Variants in ESRRG observed in about 807,000 individuals in gnomAD.
ESRRG encodes estrogen-related receptor gamma.
Under a neutral mutation model 44.0 loss-of-function variants are expected in ESRRG, and 13 were observed. The observed-to-expected ratio is 0.30, with a 90% confidence interval of 0.19 to 0.47. The LOEUF (loss-of-function observed/expected upper bound fraction) is 0.47. ESRRG is among the 20% of genes least tolerant of loss of function. The pLI, the probability that ESRRG is intolerant of heterozygous loss-of-function variation, is 1.00. For synonymous variants in ESRRG, 215 were observed against 214.6 expected (o/e 1.00, Z -0.02); for missense variants, 395 against 580.6 (o/e 0.68, Z 3.29).
chr1:216,663,180 C>A (rs1428976078), intron 2 of ESRRG, among the ~76,000 whole-genome samples: 2 of 152,114 alleles, frequency 1.3e-5, no homozygotes, highest in African/African-American at 2.4e-5. Flanking sequence ...TAGGCGAAAG[C>A]TCTGGGGCAC....
intron 1 of ESRRG, among the ~76,000 whole-genome samples, chr1:217,013,043 CTG>C (rs2078856570): frequency 1.3e-5 from 2 of 152,164 alleles, no homozygotes; most frequent in African/African-American, 2.4e-5. Flanking sequence ...CATGTTGTCT[CTG>C]TGTCCAAATT....
intron 1 of ESRRG, among the ~76,000 whole-genome samples, chr1:217,106,064 A>G (rs1180666885): frequency 6.6e-6 from 1 of 152,206 alleles, no homozygotes; most frequent in African/African-American, 2.4e-5. Flanking sequence ...TGGCAGCCAC[A>G]ATGATACACT....
chr1:217,110,465 G>C (rs1173477632), intron 1 of ESRRG, among the ~76,000 whole-genome samples: 1 of 152,124 alleles, frequency 6.6e-6, no homozygotes. Flanking sequence ...AAATACCTGA[G>C]ACTGGATAGT....
chr1:216,584,222 C>T (rs913586078), intron 3 of ESRRG, among the ~76,000 whole-genome samples: 1 of 151,514 alleles, frequency 6.6e-6, no homozygotes, highest in Non-Finnish European at 1.5e-5. Flanking sequence ...CCAAGGTGCT[C>T]TCTGTTTTTT....
intron 1 of ESRRG, among the ~76,000 whole-genome samples, chr1:217,061,922 A>G (rs1160283305): frequency 1.3e-5 from 2 of 152,178 alleles, no homozygotes; most frequent in Non-Finnish European, 2.9e-5. Flanking sequence ...ATTGTCCCAG[A>G]TATAACATCT....
chr1:216,785,749 T>C (rs2094106559), intron 2 of ESRRG, among the ~76,000 whole-genome samples: 2 of 152,164 alleles, frequency 1.3e-5, no homozygotes, highest in South Asian at 2.1e-4. Context: ...TTAACCTAAG[T>C]GACAGAAGTG....
chr1:217,059,955 T>C (rs1044865843), intron 1 of ESRRG, among the ~76,000 whole-genome samples: 9 of 152,200 alleles, frequency 5.9e-5, no homozygotes, highest in African/African-American at 2.2e-4. Flanking sequence ...GGGTGACAAA[T>C]GTATTTTTTA....
intron 3 of ESRRG, among the ~76,000 whole-genome samples, chr1:216,614,116 C>T (rs766373888): frequency 7.2e-5 from 11 of 152,154 alleles, no homozygotes; most frequent in Admixed American, 5.2e-4. Flanking sequence ...AGCTGACGGA[C>T]GATTAAATTA....
chr1:216,906,893 C>G (rs2059741543), intron 2 of ESRRG, among the ~76,000 whole-genome samples: 1 of 152,186 alleles, frequency 6.6e-6, no homozygotes, highest in Non-Finnish European at 1.5e-5. Context: ...AGATAAAGTG[C>G]TAAGCATGAA....
chr1:216,592,265 A>C (rs1474133902), intron 3 of ESRRG, among the ~76,000 whole-genome samples: 1 of 152,214 alleles, frequency 6.6e-6, no homozygotes, highest in Non-Finnish European at 1.5e-5. Flanking sequence ...TAGAATTTCC[A>C]GTAATCCTTT....
chr1:216,677,428 C>G lies in ESRRG; in HGVS notation c.120G>C (p.Lys40Asn). ...GGGAGGCTGGGCTGGAAGGTTCCGT[C>G]TTGATGAAGGACGAACAGCTGGAAT... ...HIDSSCSSFI[K>N]TEPSSPASLT... The change falls in exon 2 of 7, where the codon AAG (lysine) becomes AAC (asparagine). Residue 40 changes from lysine to asparagine, a missense_variant. By Grantham distance (94) the Lys-to-Asn change is moderately conservative. This residue lies in a region of ESRRG where 148 missense variants were observed against 150.4 expected (regional missense o/e 0.98). Transcript: ENST00000408911. 6.2e-7 allele frequency: 1 copy of G among 1,614,036 alleles called. No individual in the cohort carries two copies. The highest frequency in any genetic ancestry group is 8.5e-7 in the Non-Finnish European group (1 of 1,180,004).
At chr1:216,528,423 T>C (rs746230107) in intron 5 of ESRRG, among the ~76,000 whole-genome samples, 4 of 152,202 alleles carry the variant, frequency 2.6e-5, no homozygotes, top group Non-Finnish European at 4.4e-5. Flanking sequence ...ACAGACTTCA[T>C]GATAATGTCA....
intron 5 of ESRRG, among the ~76,000 whole-genome samples, chr1:216,528,920 C>T (rs2048462633): frequency 6.6e-6 from 1 of 152,070 alleles, no homozygotes; most frequent in South Asian, 2.1e-4. Context: ...ACAGTCATTG[C>T]AGCACCAAGG....
chr1:216,535,597 C>G (rs2050707932), intron 5 of ESRRG, among the ~76,000 whole-genome samples: 1 of 152,122 alleles, frequency 6.6e-6, no homozygotes, highest in Admixed American at 6.6e-5. Flanking sequence ...GCTCTTTCTT[C>G]CTAAGGAAGG....
intron 3 of ESRRG, among the ~76,000 whole-genome samples, chr1:216,586,176 A>G (rs1219921598): frequency 6.6e-6 from 1 of 152,204 alleles, no homozygotes; most frequent in Admixed American, 6.5e-5. Context: ...TAAACATTCA[A>G]ATCTTCATGA....
chr1:216,739,239 G>T (rs2090365901), intron 2 of ESRRG, among the ~76,000 whole-genome samples: 1 of 146,948 alleles, frequency 6.8e-6, no homozygotes, highest in Admixed American at 6.9e-5. Flanking sequence ...GTGCATAAAA[G>T]GTATCTCCAA....
intron 2 of ESRRG, among the ~76,000 whole-genome samples, chr1:216,770,768 T>G (rs2093347855): frequency 6.6e-6 from 1 of 152,058 alleles, no homozygotes; most frequent in South Asian, 2.1e-4. Context: ...TATTCAACAT[T>G]TCCTGCCCTT....
chr1:216,600,017 A>C (rs2058981829), intron 3 of ESRRG, among the ~76,000 whole-genome samples: 1 of 152,160 alleles, frequency 6.6e-6, no homozygotes, highest in African/African-American at 2.4e-5. Flanking sequence ...AGTCACACAC[A>C]CTAATAGCCC....
At chr1:216,645,777 C>T (rs1053979624) in intron 3 of ESRRG, among the ~76,000 whole-genome samples, 1 of 141,742 alleles carries the variant, frequency 7.1e-6, no homozygotes, top group Non-Finnish European at 1.5e-5. Context: ...GAAGCTGAGA[C>T]AAGAGAATCA....
Sources: allele counts gnomAD v4.1 joint callset (sites outside exome capture counted in the v4.1 genomes callset), GRCh38; gene constraint gnomAD v4.1.1; regional missense constraint gnomAD v4.1.1; transcripts MANE v1.5; gene names NCBI Gene and HGNC (gene_info 2026-07-23, HGNC 2026-07-21).